The following EPS15 variants were observed in gnomAD, a reference collection of about 807,000 sequenced individuals.
EPS15 encodes the protein epidermal growth factor receptor pathway substrate 15.
A neutral mutation model predicts 113.8 loss-of-function variants in EPS15; 72 were observed. The observed-to-expected ratio is 0.63, with a 90% CI of 0.52 to 0.77. The LOEUF (loss-of-function observed/expected upper bound fraction) is 0.77. EPS15 is among the 30% of genes least tolerant of loss of function. The probability of loss-of-function intolerance (pLI) is 0.00; values close to 1 mark genes in which losing one functional copy is unlikely to be tolerated. For missense variants in EPS15, 1,048 were observed against 1,045.8 expected (o/e 1.00, Z -0.03); for synonymous variants, 344 against 363.4 (o/e 0.95, Z 0.61).
chr1:51,410,868 T>C (rs925152060), intron 13 of EPS15, among the ~76,000 whole-genome samples: 1 of 152,240 alleles, frequency 6.6e-6, no homozygotes, highest in Non-Finnish European at 1.5e-5. Flanking sequence ...TAAAATGTGC[T>C]AGGTTGTGCT....
At chr1:51,460,891 T>C (rs960510715) in intron 8 of EPS15, 200 bp downstream of exon 8, 15 of 443,940 alleles carry the variant, frequency 3.4e-5, no homozygotes, top group African/African-American at 6.3e-5. Flanking sequence ...GAGGTAGAGG[T>C]TGTGGTGAGC....
intron 22 of EPS15, 151 bp downstream of exon 22, chr1:51,365,801 GT>G (rs1646495120): frequency 1.8e-6 from 1 of 545,550 alleles, no homozygotes; most frequent in South Asian, 2.8e-5. Context: ...TTAACTATAT[GT>G]TATCTTTCAT....
At chr1:51,386,484 G>A (rs1647077523) in intron 21 of EPS15, among the ~76,000 whole-genome samples, 1 of 152,134 alleles carries the variant, frequency 6.6e-6, no homozygotes, top group Admixed American at 6.6e-5. Context: ...CCGCTGTTCT[G>A]CAGCCACCGC....
intron 21 of EPS15, among the ~76,000 whole-genome samples, chr1:51,369,911 A>C (rs1237987698): frequency 2.0e-5 from 3 of 152,226 alleles, no homozygotes; most frequent in African/African-American, 7.2e-5. Context: ...AAATATGCAA[A>C]GAAAAAAGGG....
At chr1:51,380,039 G>A (rs1169675162) in intron 21 of EPS15, among the ~76,000 whole-genome samples, 2 of 149,878 alleles carry the variant, frequency 1.3e-5, no homozygotes, top group African/African-American at 4.9e-5. Context: ...CCAGCCTGGA[G>A]TGAGACTCTG....
chr1:51,388,077 T>A (rs919558786), intron 21 of EPS15, among the ~76,000 whole-genome samples: 39 of 151,616 alleles, frequency 2.6e-4, no homozygotes, highest in African/African-American at 8.2e-4. Flanking sequence ...GAAGTAAAGC[T>A]CTCCTCAGCA....
chr1:51,449,784 G>C (rs1449541349), intron 8 of EPS15, among the ~76,000 whole-genome samples: 1 of 151,632 alleles, frequency 6.6e-6, no homozygotes, highest in Non-Finnish European at 1.5e-5. Flanking sequence ...ATGGGTGCTT[G>C]CTGCTGACTG....
intron 12 of EPS15, among the ~76,000 whole-genome samples, chr1:51,426,884 C>G (rs1490780495): frequency 6.6e-6 from 1 of 151,070 alleles, no homozygotes; most frequent in Non-Finnish European, 1.5e-5. Flanking sequence ...CACATATATA[C>G]ACACACATAT....
chr1:51,372,931 G>A, intron 21 of EPS15: 1 of 682,624 alleles, frequency 1.5e-6, no homozygotes, highest in Non-Finnish European at 2.2e-6. Context: ...TCAACCACCA[G>A]ATCATTAGCT....
Position 51,356,736 on chromosome 1 carries a change from AG to A in EPS15, c.2654del (p.Ala885ValfsTer23). 4 of 1,614,044 alleles carry A rather than the reference AG, an allele frequency of 2.5e-6. No individual in the cohort carries two copies. The highest frequency in any genetic ancestry group is 3.4e-6 in the Non-Finnish European group (4 of 1,179,914). ...NQQEQEDLEL[A>X]IALSKSEISE... ...ATATCTCAGATTTGCTGAGTGCAAT[AG>A]CCAGTTCTAAGTCTTCTTGTTCCTG... is the stretch of plus-strand genomic sequence containing the variant. On this transcript the variant is annotated frameshift_variant, in exon 25 of 25. Transcript: ENST00000371733. LOFTEE classifies it high-confidence loss of function.
chr1:51,501,458 GT>G (rs1283601508), intron 1 of EPS15, among the ~76,000 whole-genome samples: 1 of 152,086 alleles, frequency 6.6e-6, no homozygotes, highest in East Asian at 1.9e-4. Context: ...AGTATTATTA[GT>G]TTTTTGGGGG....
At chr1:51,476,308 A>G (rs1406489553) in intron 2 of EPS15, among the ~76,000 whole-genome samples, 1 of 152,290 alleles carries the variant, frequency 6.6e-6, no homozygotes, top group East Asian at 1.9e-4. Context: ...GGCCATTTTC[A>G]TGATATTGAT....
chr1:51,355,707 C>T lies in EPS15; in HGVS notation c.*993G>A. On this transcript the variant is annotated 3_prime_UTR_variant, in exon 25 of 25. Transcript: ENST00000371733. ...GTTTTTACATTTCAAGTAAATGAGC[C>T]TTCATTAAAAAAAAAAAAACAAATA... 5.4e-6 allele frequency: 1 copy of T among 183,816 alleles called. No individual in the cohort carries two copies. Among genetic ancestry groups the T allele is most frequent in the Non-Finnish European group, 1.1e-5 (1 of 89,112 alleles). The allele number at this position is 183,816 out of a possible 1,614,324, so 11.4% of individuals were successfully genotyped here.
In EPS15 at chr1:51,519,243, C is replaced by T; in HGVS notation, c.-12G>A. The T allele has an allele frequency of 7.8e-7, 1 of 1,290,230 alleles. No individual in the cohort carries two copies. The highest frequency in any genetic ancestry group is 1.0e-6 in the Non-Finnish European group (1 of 997,792). 79.9% of individuals were successfully genotyped at this position (1,290,230 alleles called of 1,614,324 possible). A position where few individuals can be genotyped will look rare whatever the true frequency, so the allele number is the denominator to read the frequency against. On this transcript the variant is annotated 5_prime_UTR_variant, in exon 1 of 25. An upstream start codon of the reference 5' UTR is lost. Transcript: ENST00000371733. ...GCCGCCGCAGCCATGGTGTTTCCAT[C>T]ATGCAAGGGAGGGGAAGGAAGACGG...
At chr1:51,485,016 A>C (rs915093134) in intron 1 of EPS15, among the ~76,000 whole-genome samples, 50 of 152,348 alleles carry the variant, frequency 3.3e-4, no homozygotes, top group African/African-American at 1.1e-3. Context: ...TTTCAGGAGC[A>C]ATGAGCTATA....
rs1221380738 is a variant in EPS15 at position 51,372,698 on chromosome 1, T to C, written c.2120-6669A>G. Reference sequence around the variant, plus strand: ...TTTCAGTGAGAGAAGTCCATGATGATGGTGCTCCAACCTCAAAAACATTTG... The same window carrying C: ...TTTCAGTGAGAGAAGTCCATGATGACGGTGCTCCAACCTCAAAAACATTTG... On this transcript the variant is annotated intron_variant, in intron 21 of 24. Coordinates refer to ENST00000371733, the MANE Select transcript of EPS15 (RefSeq NM_001981.3). The C allele has an allele frequency of 3.7e-5, 15 of 407,016 alleles. No homozygotes were observed. In the East Asian group the frequency reaches 8.8e-4, roughly 24 times the overall value. 25.2% of individuals were successfully genotyped at this position (407,016 alleles called of 1,614,324 possible).
chr1:51,403,545 A>T lies in EPS15; in HGVS notation c.1678-13T>A, dbSNP rs776467056. On this transcript the variant is annotated splice_polypyrimidine_tract_variant and intron_variant, in intron 16 of 24. Transcript: ENST00000371733. Reference sequence around the variant, plus strand: ...GACTACTTCTTGCCTACAAAATATTAATGCAAGTAGATTAACAATATACTT... The same window carrying T: ...GACTACTTCTTGCCTACAAAATATTTATGCAAGTAGATTAACAATATACTT... 1 of 1,418,000 alleles carries T rather than the reference A, an allele frequency of 7.1e-7. No individual in the cohort carries two copies. The highest frequency in any genetic ancestry group is 1.3e-5 in the South Asian group (1 of 79,216). The allele number at this position is 1,418,000 out of a possible 1,614,324, so 87.8% of individuals were successfully genotyped here. A position where few individuals can be genotyped will look rare whatever the true frequency, so the allele number is the denominator to read the frequency against.
chr1:51,387,612 A>G (rs1386780553), intron 21 of EPS15, among the ~76,000 whole-genome samples: 2 of 152,182 alleles, frequency 1.3e-5, no homozygotes, highest in African/African-American at 4.8e-5. Flanking sequence ...TCAAAATAGA[A>G]GGATGGAGGA....
intron 12 of EPS15, 111 bp from the exon 13 acceptor site, chr1:51,421,969 A>C: frequency 4.8e-6 from 7 of 1,460,182 alleles, no homozygotes; most frequent in Non-Finnish European, 5.5e-6. Context: ...TGAAACATTC[A>C]ATTTTTAAAT....
Sources: allele counts gnomAD v4.1 joint callset (sites outside exome capture counted in the v4.1 genomes callset), GRCh38; gene constraint gnomAD v4.1.1; transcripts MANE v1.5; gene names NCBI Gene and HGNC (gene_info 2026-07-23, HGNC 2026-07-21).